Variants in ABHD2 observed in about 807,000 individuals in gnomAD.
ABHD2 encodes the protein abhydrolase domain containing 2, acylglycerol lipase.
A neutral mutation model predicts 48.1 loss-of-function variants in ABHD2; 20 were observed. The ratio of observed to expected loss-of-function variants is 0.42; its 90% CI spans 0.29 to 0.60. The LOEUF (loss-of-function observed/expected upper bound fraction) is 0.60. Among genes scored for constraint, ABHD2 ranks in the 20% least tolerant of loss-of-function variants. The pLI is 0.24. For synonymous variants in ABHD2, 209 were observed against 214.2 expected, an observed-to-expected ratio of 0.98 and a Z score of 0.21; for missense variants, 405 against 550.9, an observed-to-expected ratio of 0.74 and a Z score of 2.65.
rs566928922 is a variant in ABHD2 at position 89,177,221 on chromosome 15, C to T, written c.722+1226C>T. On this transcript the variant is annotated intron_variant, in intron 6 of 10. Coordinates refer to ENST00000352732, the MANE Select transcript of ABHD2 (RefSeq NM_152924.5). This position sits in a 1 kb window ranked among gnomAD's most constrained non-coding sequence, Gnocchi z 5.6. ...ATAAGCAGTACCTACCTCATAGCAC[C>T]GCTGAGAGTCAAATGAGTTGATGCG... is the stretch of plus-strand genomic sequence containing the variant. Among the ~76,000 whole-genome samples the T allele has an allele frequency of 2.2e-4, 33 of 152,316 alleles. No individual in the cohort carries two copies. Among genetic ancestry groups the T allele is most frequent in the African/African-American group, 7.5e-4 (31 of 41,556 alleles).
At chr15:89,048,545 T>C in the ABHD2 span, among the ~76,000 whole-genome samples, 1 of 152,276 alleles carries the variant, frequency 6.6e-6, no homozygotes, top group South Asian at 2.1e-4. Context: ...CAATCAGACG[T>C]AGATTTGGTT....
rs1250369522 is a variant in ABHD2, at chr15:89,182,132, C to CA, written c.723-3286dup. Among the ~76,000 whole-genome samples, 2 of 152,110 alleles carry CA rather than the reference C, an allele frequency of 1.3e-5. No homozygotes were observed. The highest frequency in any genetic ancestry group is 4.8e-5 in the African/African-American group (2 of 41,414). ...TTTAAAAATCCTTATGGATTATTCT[C>CA]AAAAAAGACTCCCAGTGAAACTATA... On this transcript the variant is annotated intron_variant, in intron 6 of 10. Transcript: ENST00000352732. This position sits in a 1 kb window ranked among gnomAD's most constrained non-coding sequence, Gnocchi z 4.8.
In ABHD2 at chr15:89,200,468, G is replaced by A. The variant is rs911537975; in HGVS notation, c.*5045G>A. The A allele has an allele frequency of 6.6e-6, 1 of 152,516 alleles. No individual in the cohort carries two copies. The highest frequency in any genetic ancestry group is 2.4e-5 in the African/African-American group (1 of 41,382). 9.4% of individuals were successfully genotyped at this position (152,516 alleles called of 1,614,324 possible). A position where few individuals can be genotyped will look rare whatever the true frequency, so the allele number is the denominator to read the frequency against. On this transcript the variant is annotated 3_prime_UTR_variant, in exon 11 of 11. Coordinates refer to ENST00000352732, the MANE Select transcript of ABHD2 (RefSeq NM_152924.5). The stretch of plus-strand genomic sequence containing the variant: ...AGCGGGGCTCCTCACTTCCCAGACA[G>A]GGTGGCCAGGCAGAGGTGCTCCTCA...
Position 89,195,209 on chromosome 15 carries a change from GC to G in ABHD2, c.1082-17del. The G allele has an allele frequency of 1.2e-6, 2 of 1,608,490 alleles. No homozygotes were observed. Among genetic ancestry groups the G allele is most frequent in the Non-Finnish European group, 8.5e-7 (1 of 1,176,580 alleles). On this transcript the variant is annotated splice_polypyrimidine_tract_variant and intron_variant, in intron 10 of 10. Coordinates refer to ENST00000352732, the MANE Select transcript of ABHD2 (RefSeq NM_152924.5). The surrounding 1 kb of genome is among the most constrained non-coding windows in gnomAD (Gnocchi z 5.1). The stretch of plus-strand genomic sequence containing the variant: ...AAACTAGAGAACAGTAACTCACTCA[GC>G]TGCGTTTCCCCTGCAGAGAAACGAG...
chr15:89,151,677 A>C lies in ABHD2; in HGVS notation c.195A>C (p.Glu65Asp). 6.2e-7 allele frequency: 1 copy of C among 1,613,506 alleles called. No individual in the cohort carries two copies. Among genetic ancestry groups the C allele is most frequent in the Non-Finnish European group, 8.5e-7 (1 of 1,179,580 alleles). ...LLKSCPLLTK[E>D]YIPPLIWGKS... ...TTGACCTCCCTTGTCCTTTCTTTAG[A>C]TACATTCCACCGTTGATCTGGGGGA... The change falls in exon 4 of 11, where the codon GAA becomes GAC. Residue 65 changes from glutamate (E) to aspartate (D), a missense_variant and splice_region_variant. Glu to Asp is a conservative substitution (Grantham distance 45, BLOSUM62 2). Coordinates refer to ENST00000352732, the MANE Select transcript of ABHD2 (RefSeq NM_152924.5). This position sits in a 1 kb window ranked among gnomAD's most constrained non-coding sequence, Gnocchi z 4.7.
Position 89,177,672 on chromosome 15 carries a change from G to A in ABHD2, c.722+1677G>A, listed in dbSNP as rs1207425468. The stretch of plus-strand genomic sequence containing the variant: ...TTCCTTCACTCCTCTGGACACTGGG[G>A]AGTCAGCTGAGAGGACATGTGCCTT... On this transcript the variant is annotated intron_variant, in intron 6 of 10. Coordinates refer to ENST00000352732, the MANE Select transcript of ABHD2 (RefSeq NM_152924.5). The surrounding 1 kb of genome is among the most constrained non-coding windows in gnomAD (Gnocchi z 5.6). 6.6e-6 allele frequency among the ~76,000 whole-genome samples: 1 copy of A among 151,992 alleles called. No homozygotes were observed. The highest frequency in any genetic ancestry group is 1.5e-5 in the Non-Finnish European group (1 of 67,994).
At chr15:89,078,221 G>T in the ABHD2 span, among the ~76,000 whole-genome samples, 10 of 152,098 alleles carry the variant, frequency 6.6e-5, no homozygotes, top group African/African-American at 2.4e-4. Flanking sequence ...TGAAACTAAT[G>T]CAATAACCTG....
At chr15:89,132,463 A>T (rs928360218) in intron 3 of ABHD2, among the ~76,000 whole-genome samples, 4 of 152,240 alleles carry the variant, frequency 2.6e-5, no homozygotes, top group Non-Finnish European at 2.9e-5. Context: ...GAAGACAATT[A>T]TATATCTCTA....
At chr15:89,170,597 A>T (rs1380837583) in intron 5 of ABHD2, among the ~76,000 whole-genome samples, 1 of 152,200 alleles carries the variant, frequency 6.6e-6, no homozygotes, top group African/African-American at 2.4e-5. Context: ...TACTTTAAAA[A>T]ACATGAACAG....
At chr15:89,080,165 T>G in the ABHD2 span, among the ~76,000 whole-genome samples, 1 of 152,302 alleles carries the variant, frequency 6.6e-6, no homozygotes, top group Admixed American at 6.5e-5. Flanking sequence ...AAAGCCGGAT[T>G]GTCATCCTGA....
the ABHD2 span, among the ~76,000 whole-genome samples, chr15:89,058,766 G>C: frequency 1.3e-5 from 2 of 152,154 alleles, no homozygotes; most frequent in African/African-American, 4.8e-5. Context: ...CTTCAGACAA[G>C]ACCATAGTAT....
At chr15:89,108,555 T>A (rs1033550430) in intron 1 of ABHD2, among the ~76,000 whole-genome samples, 2 of 152,178 alleles carry the variant, frequency 1.3e-5, no homozygotes, top group Non-Finnish European at 2.9e-5. Flanking sequence ...GGGTCCCTAT[T>A]CAACTTGCTA....
At position 89,186,963 on chromosome 15, in the gene ABHD2, T is replaced by C. The variant is rs1048755615; in HGVS notation, c.816-1230T>C. 1.3e-5 allele frequency among the ~76,000 whole-genome samples: 2 copies of C among 152,330 alleles called. No individual in the cohort carries two copies. Among genetic ancestry groups the C allele is most frequent in the Middle Eastern group, 3.4e-3 (1 of 294 alleles). On this transcript the variant is annotated intron_variant, in intron 7 of 10. Coordinates refer to ENST00000352732, the MANE Select transcript of ABHD2 (RefSeq NM_152924.5). The surrounding 1 kb of genome is among the most constrained non-coding windows in gnomAD (Gnocchi z 4.3). The stretch of plus-strand genomic sequence containing the variant: ...TGGAAGGAGAGCAGAGGGAGACTTA[T>C]GTCCCCTGTGCTGGCTGGAAAATCA...
rs1322674174 is a variant in ABHD2 at position 89,155,593 on chromosome 15, C to A, written c.538+59C>A. ...TGCAAGTGTGCTACTACTTCTGCTT[C>A]TGCCTTGTTTTTTCTTTTTTTAAGT... On this transcript the variant is annotated intron_variant, in intron 5 of 10. Coordinates refer to ENST00000352732, the MANE Select transcript of ABHD2 (RefSeq NM_152924.5). This position sits in a 1 kb window ranked among gnomAD's most constrained non-coding sequence, Gnocchi z 4.9. The A allele has an allele frequency of 6.4e-7, 1 of 1,562,772 alleles. No homozygotes were observed. Among genetic ancestry groups the A allele is most frequent in the Non-Finnish European group, 8.7e-7 (1 of 1,151,564 alleles).
intron 5 of ABHD2, among the ~76,000 whole-genome samples, chr15:89,157,011 C>T (rs1448118390): frequency 2.0e-5 from 3 of 152,096 alleles, no homozygotes. Context: ...TTATTTATTG[C>T]AGTCATAGCA....
chr15:89,085,894 A>AT (rs1226275456), upstream of ABHD2, among the ~76,000 whole-genome samples: 1 of 152,196 alleles, frequency 6.6e-6, no homozygotes, highest in Non-Finnish European at 1.5e-5. This position sits in a 1 kb window ranked among gnomAD's most constrained non-coding sequence, Gnocchi z 4.2. Context: ...GGCTGGGCCT[A>AT]TTTCCGTAAC....
chr15:89,059,305 G>C, the ABHD2 span, among the ~76,000 whole-genome samples: 1 of 152,168 alleles, frequency 6.6e-6, no homozygotes, highest in South Asian at 2.1e-4. Flanking sequence ...AATGTTCGCT[G>C]TGGCTAGACA....
At chr15:89,135,652 T>A in intron 3 of ABHD2, 2 of 1,548,722 alleles carry the variant, frequency 1.3e-6, no homozygotes, top group East Asian at 2.3e-5. Flanking sequence ...GACAACTCCC[T>A]TTTTTTGCTG....
chr15:89,125,948 AG>A (rs763555384), intron 3 of ABHD2, among the ~76,000 whole-genome samples: 4 of 152,204 alleles, frequency 2.6e-5, no homozygotes, highest in African/African-American at 4.8e-5. Context: ...ATCTAAAAAA[AG>A]GTTCGGAATC....
Sources: gnomAD v4.1 joint callset for allele counts (sites outside exome capture counted in the v4.1 genomes callset) on GRCh38, gnomAD v4.1.1 for gene constraint, Gnocchi (gnomAD v3.1) non-coding constraint, MANE v1.5 for transcripts, NCBI Gene and HGNC (gene_info 2026-07-23, HGNC 2026-07-21) for gene names.